The following ASAP2 variants were observed in gnomAD, a reference collection of about 807,000 sequenced individuals.
ASAP2 encodes arf-GAP with SH3 domain, ANK repeat and PH domain-containing protein 2.
In ASAP2, 45 loss-of-function variants were observed where a neutral mutation model predicts 131.4. The ratio of observed to expected loss-of-function variants is 0.34; its 90% CI spans 0.27 to 0.44. The LOEUF (loss-of-function observed/expected upper bound fraction) is 0.44. Among genes scored for constraint, ASAP2 ranks in the 20% least tolerant of loss-of-function variants. ASAP2 has a pLI of 1.00. For missense variants in ASAP2, 1,011 were observed against 1,297.0 expected, an observed-to-expected ratio of 0.78 and a Z score of 3.39; for synonymous variants, 510 against 503.0, an observed-to-expected ratio of 1.01 and a Z score of -0.19.
At chr2:9,320,514 C>T (rs1217148927) in intron 5 of ASAP2, among the ~76,000 whole-genome samples, 177 bp downstream of exon 5, 2 of 152,164 alleles carry the variant, frequency 1.3e-5, no homozygotes, top group South Asian at 2.1e-4. Context: ...CTGTCTTCTT[C>T]TTCTAATCTG....
chr2:9,400,557 G>C (rs1676575908), intron 25 of ASAP2, among the ~76,000 whole-genome samples, 185 bp from the exon 26 acceptor site: 1 of 151,950 alleles, frequency 6.6e-6, no homozygotes, highest in Admixed American at 6.5e-5. Flanking sequence ...GGCTCACTGG[G>C]GGACACTCGC....
chr2:9,387,219 A>AG (rs1675350599), intron 21 of ASAP2, among the ~76,000 whole-genome samples: 1 of 151,530 alleles, frequency 6.6e-6, no homozygotes, highest in Admixed American at 6.6e-5. Context: ...GTCTCAAAAA[A>AG]AAAAAAAACC....
At chr2:9,325,196 G>A (rs10181337) in intron 6 of ASAP2, among the ~76,000 whole-genome samples, 4,573 of 152,296 alleles carry the variant, frequency 0.03, 233 homozygotes, top group African/African-American at 0.1. Flanking sequence ...CATGTGTAGT[G>A]TAAGAGGTTG....
At chr2:9,257,632 C>T (rs1408462308) in intron 1 of ASAP2, among the ~76,000 whole-genome samples, 1 of 152,194 alleles carries the variant, frequency 6.6e-6, no homozygotes, top group Non-Finnish European at 1.5e-5. Flanking sequence ...TATTCTCCTG[C>T]CTCAGCCTCC....
Position 9,368,532 on chromosome 2 carries a change from C to G in ASAP2, c.1556+13C>G. ...CAGGCAGCGACATGTAAGTATGGGA[C>G]TGGCTATTCTCATTTGCTGAGTAAA... On this transcript the variant is annotated intron_variant, in intron 16 of 27. Coordinates refer to ENST00000281419, the MANE Select transcript of ASAP2 (RefSeq NM_003887.3). The G allele has an allele frequency of 6.2e-7, 1 of 1,609,182 alleles. No individual in the cohort carries two copies.
chr2:9,262,899 C>G (rs116835949), intron 1 of ASAP2, among the ~76,000 whole-genome samples: 89 of 152,330 alleles, frequency 5.8e-4, no homozygotes, highest in African/African-American at 2.1e-3. Flanking sequence ...ACTCGGCTAT[C>G]TTACATCTCC....
intron 9 of ASAP2, among the ~76,000 whole-genome samples, chr2:9,336,417 C>A (rs1191615544): frequency 6.6e-6 from 1 of 152,082 alleles, no homozygotes; most frequent in Non-Finnish European, 1.5e-5. Context: ...CAGAGCACAT[C>A]CTGTTTGAAT....
At chr2:9,315,297 C>G (rs1468366346) in intron 3 of ASAP2, among the ~76,000 whole-genome samples, 1 of 152,192 alleles carries the variant, frequency 6.6e-6, no homozygotes, top group Non-Finnish European at 1.5e-5. Flanking sequence ...GAAGCGGCAG[C>G]AGGGAGCAGG....
At chr2:9,213,637 C>G (rs917231505) in intron 1 of ASAP2, among the ~76,000 whole-genome samples, 1 of 151,990 alleles carries the variant, frequency 6.6e-6, no homozygotes, top group Non-Finnish European at 1.5e-5. Context: ...GGTAAGTGGC[C>G]TGATTGAGGT....
chr2:9,220,994 C>G (rs1427263748), intron 1 of ASAP2, among the ~76,000 whole-genome samples: 4 of 152,150 alleles, frequency 2.6e-5, no homozygotes, highest in Non-Finnish European at 4.4e-5. Context: ...ACCCTCAGTT[C>G]TGTTCCATTG....
intron 2 of ASAP2, among the ~76,000 whole-genome samples, chr2:9,283,891 A>G (rs151046594): frequency 1.1e-4 from 17 of 152,284 alleles, no homozygotes; most frequent in African/African-American, 4.1e-4. Context: ...GACCTCATCT[A>G]AACCTAATTA....
At chr2:9,375,059 C>CAA in intron 17 of ASAP2, 115 bp downstream of exon 17, 3 of 792,436 alleles carry the variant, frequency 3.8e-6, no homozygotes, top group Non-Finnish European at 5.4e-6. Flanking sequence ...CCTTTGAGCT[C>CAA]AGGAGTTTGA....
At chr2:9,255,226 T>C (rs1444452408) in intron 1 of ASAP2, among the ~76,000 whole-genome samples, 5 of 152,250 alleles carry the variant, frequency 3.3e-5, no homozygotes, top group Admixed American at 1.3e-4. Flanking sequence ...ACTTGTACCA[T>C]GTAAGTTGGT....
chr2:9,374,792 G>A lies in ASAP2; in HGVS notation c.1594G>A (p.Glu532Lys), dbSNP rs1445521533. ...GGACTACATCACAGCCAAGTACATCGAGAGGAGATACGCAAGGAAGAAGCA... is the reference window on the plus strand; with the variant it reads ...GGACTACATCACAGCCAAGTACATCAAGAGGAGATACGCAAGGAAGAAGCA... ...RKDYITAKYI[E>K]RRYARKKHAD... is the part of the protein sequence containing the mutation. The change falls in exon 17 of 28, where the codon GAG becomes AAG. Residue 532 changes from glutamate (E) to lysine (K), a missense_variant. Coordinates refer to ENST00000281419, the MANE Select transcript of ASAP2 (RefSeq NM_003887.3). The A allele has an allele frequency of 1.1e-5, 17 of 1,611,878 alleles. No individual in the cohort carries two copies. Among genetic ancestry groups the A allele is most frequent in the South Asian group, 2.2e-5 (2 of 90,410 alleles).
intron 1 of ASAP2, among the ~76,000 whole-genome samples, chr2:9,211,179 G>A (rs1661522296): frequency 6.6e-6 from 1 of 150,930 alleles, no homozygotes; most frequent in Non-Finnish European, 1.5e-5. Flanking sequence ...AAAGTTTGTT[G>A]TCCTGGCAGC....
At chr2:9,369,905 G>A (rs1371702507) in intron 16 of ASAP2, among the ~76,000 whole-genome samples, 1 of 152,120 alleles carries the variant, frequency 6.6e-6, no homozygotes, top group African/African-American at 2.4e-5. Context: ...GCAATGATGT[G>A]ATCTCGGCTC....
In ASAP2 at chr2:9,297,291, C is replaced by G. The variant is rs1668210935; in HGVS notation, c.200-9C>G. On this transcript the variant is annotated splice_polypyrimidine_tract_variant and intron_variant, in intron 2 of 27. Coordinates refer to ENST00000281419, the MANE Select transcript of ASAP2 (RefSeq NM_003887.3). ...TGAGACTCACAGCACCTCCGTCATT[C>G]TGTTGCAGCTCACGTGGAAAATGAA... 1.2e-6 allele frequency: 2 copies of G among 1,612,604 alleles called. No individual in the cohort carries two copies. Among genetic ancestry groups the G allele is most frequent in the Non-Finnish European group, 8.5e-7 (1 of 1,178,770 alleles).
intron 1 of ASAP2, among the ~76,000 whole-genome samples, chr2:9,230,046 G>A (rs1663050076): frequency 6.6e-6 from 1 of 152,208 alleles, no homozygotes; most frequent in African/African-American, 2.4e-5. Context: ...TCTGCAAGAA[G>A]AGATGATGAT....
intron 1 of ASAP2, among the ~76,000 whole-genome samples, chr2:9,252,833 A>G (rs969005593): frequency 3.4e-5 from 5 of 145,748 alleles, no homozygotes; most frequent in Middle Eastern, 4.0e-3. Context: ...GGAGAATGGC[A>G]TGAACCCAGG....
Sources: gnomAD v4.1 joint callset for allele counts (sites outside exome capture counted in the v4.1 genomes callset) on GRCh38, gnomAD v4.1.1 for gene constraint, MANE v1.5 for transcripts, NCBI Gene and HGNC (gene_info 2026-07-23, HGNC 2026-07-21) for gene names.